The following DNM1L variants were observed in gnomAD, a reference collection of about 807,000 sequenced individuals.
The protein encoded by DNM1L is dynamin 1L, also known as dynamin-1-like protein.
In DNM1L, 33 loss-of-function variants were observed where a neutral mutation model predicts 92.8. The ratio of observed to expected loss-of-function variants is 0.36; its 90% CI spans 0.27 to 0.48. The LOEUF (loss-of-function observed/expected upper bound fraction) is 0.48, where lower values mean the gene tolerates loss of function less well. DNM1L is among the 20% of genes least tolerant of loss of function. The pLI is 0.99. For synonymous variants in DNM1L, 284 were observed against 305.0 expected, an observed-to-expected ratio of 0.93 and a Z score of 0.72; for missense variants, 485 against 888.8, an observed-to-expected ratio of 0.55 and a Z score of 5.78.
At chr12:32,698,757 A>G (rs1952573528) in intron 1 of DNM1L, among the ~76,000 whole-genome samples, 1 of 152,234 alleles carries the variant, frequency 6.6e-6, no homozygotes, top group African/African-American at 2.4e-5. Flanking sequence ...TAAAATGTAT[A>G]ATAGAGGTTT....
At chr12:32,696,992 C>T (rs943131164) in intron 1 of DNM1L, among the ~76,000 whole-genome samples, 19 of 150,640 alleles carry the variant, frequency 1.3e-4, no homozygotes. Flanking sequence ...AGTAGGGAGG[C>T]CAAGGTGGGC....
chr12:32,699,889 G>A (rs1952631412), intron 1 of DNM1L, among the ~76,000 whole-genome samples: 1 of 150,746 alleles, frequency 6.6e-6, no homozygotes, highest in Non-Finnish European at 1.5e-5. Flanking sequence ...AGTATAGCTT[G>A]ATTCCCTCTT....
intron 1 of DNM1L, among the ~76,000 whole-genome samples, chr12:32,694,649 T>A (rs1952366979): frequency 6.6e-6 from 1 of 152,150 alleles, no homozygotes; most frequent in African/African-American, 2.4e-5. Context: ...TCTATATGAC[T>A]TTCCCCTAAA....
intron 16 of DNM1L, 179 bp from the exon 17 acceptor site, chr12:32,739,885 G>C (rs1418027347): frequency 1.4e-6 from 1 of 696,450 alleles, no homozygotes; most frequent in Non-Finnish European, 2.4e-6. Flanking sequence ...TTATTATTTA[G>C]ATAGGTCAGG....
At chr12:32,716,472 C>T (rs1351174384) in intron 6 of DNM1L, among the ~76,000 whole-genome samples, 2 of 152,056 alleles carry the variant, frequency 1.3e-5, no homozygotes, top group African/African-American at 4.8e-5. Flanking sequence ...GCTAGGACTA[C>T]CACACCCTGC....
intron 1 of DNM1L, among the ~76,000 whole-genome samples, chr12:32,698,140 C>T (rs549690049): frequency 1.3e-5 from 2 of 152,322 alleles, no homozygotes; most frequent in Non-Finnish European, 2.9e-5. Context: ...CTGGATATCA[C>T]AACTGCAGTT....
intron 13 of DNM1L, among the ~76,000 whole-genome samples, chr12:32,735,348 G>A (rs940293498): frequency 6.6e-6 from 1 of 152,128 alleles, no homozygotes; most frequent in Non-Finnish European, 1.5e-5. Context: ...ACATCTGCTG[G>A]GGTCCAGGAG....
intron 9 of DNM1L, 76 bp downstream of exon 9, chr12:32,722,709 G>C (rs1220076199): frequency 9.2e-7 from 1 of 1,087,790 alleles, no homozygotes; most frequent in African/African-American, 1.6e-5. Flanking sequence ...GATGACTTCA[G>C]CTCAGATTAT....
At chr12:32,713,449 T>C in intron 6 of DNM1L, 78 bp downstream of exon 6, 3 of 1,446,930 alleles carry the variant, frequency 2.1e-6, no homozygotes, top group Non-Finnish European at 2.9e-6. Flanking sequence ...TTTTTCTCTT[T>C]AAAAACAGTA....
At chr12:32,743,209 T>C (rs2137618340) in intron 19 of DNM1L, 145 bp from the exon 20 acceptor site, 1 of 761,106 alleles carries the variant, frequency 1.3e-6, no homozygotes. Flanking sequence ...CTTGATTAGA[T>C]TCTAATTCCA....
In DNM1L at chr12:32,737,868, T is replaced by C. The variant is rs771229782; in HGVS notation, c.1600T>C (p.Ser534Pro). The change falls in exon 15 of 20, where the codon TCT becomes CCT. Residue 534 changes from serine to proline, a missense_variant. Coordinates refer to ENST00000549701, the MANE Select transcript of DNM1L (RefSeq NM_012062.5). ...CCCCTGGATTTTTTGCCTTTAGTCT[T>C]CTAAAGTTCCAAGTGCTTTGGCACC... ...LPSAVSRDKS[S>P]KVPSALAPAS... The C allele has an allele frequency of 3.1e-6, 5 of 1,614,048 alleles. No individual in the cohort carries two copies. In the South Asian group the frequency reaches 5.5e-5, roughly 18 times the overall value.
chr12:32,695,225 G>T (rs148299851), intron 1 of DNM1L, among the ~76,000 whole-genome samples: 233 of 152,266 alleles, frequency 1.5e-3, no homozygotes, highest in Non-Finnish European at 2.7e-3. Context: ...TAGCTATTCA[G>T]AGCCAAGCCT....
At position 32,731,519 on chromosome 12, in the gene DNM1L, A is replaced by G. The variant is rs1347832325; in HGVS notation, c.1356+8A>G. 1.5e-5 allele frequency: 25 copies of G among 1,613,824 alleles called. No homozygotes were observed. Among genetic ancestry groups the G allele is most frequent in the Non-Finnish European group, 2.1e-5 (25 of 1,179,992 alleles). Reference sequence around the variant, plus strand: ...AGCAATTACAGTACACAGGTAACGGAGAGAAATGTAACAGGTTTCACATGA... The same window carrying G: ...AGCAATTACAGTACACAGGTAACGGGGAGAAATGTAACAGGTTTCACATGA... On this transcript the variant is annotated splice_region_variant and intron_variant, in intron 11 of 19. Coordinates refer to ENST00000549701, the MANE Select transcript of DNM1L (RefSeq NM_012062.5). This position sits in a 1 kb window ranked among gnomAD's most constrained non-coding sequence, Gnocchi z 5.1.
At chr12:32,733,671 G>C in intron 12 of DNM1L, 44 bp from the exon 13 acceptor site, 1 of 1,493,324 alleles carries the variant, frequency 6.7e-7, no homozygotes, top group Non-Finnish European at 9.3e-7. Flanking sequence ...AGTAAAATAT[G>C]GTTGATGTAT....
chr12:32,745,352 A>C lies in DNM1L; in HGVS notation c.*1942A>C, dbSNP rs1478896099. 2.6e-5 allele frequency: 6 copies of C among 229,036 alleles called. No homozygotes were observed. Among genetic ancestry groups the C allele is most frequent in the Non-Finnish European group, 5.1e-5 (6 of 117,196 alleles). The allele number at this position is 229,036 out of a possible 1,614,324, so 14.2% of individuals were successfully genotyped here. A position where few individuals can be genotyped will look rare whatever the true frequency, so the allele number is the denominator to read the frequency against. ...CACATCAGATTTCAAATTGAAAATT[A>C]AAGACATGCTATGGTAATGCACTTG... is the stretch of plus-strand genomic sequence containing the variant. On this transcript the variant is annotated 3_prime_UTR_variant, in exon 20 of 20. Coordinates refer to ENST00000549701, the MANE Select transcript of DNM1L (RefSeq NM_012062.5).
At position 32,744,062 on chromosome 12, in the gene DNM1L, A is replaced by G. The variant is rs577251936; in HGVS notation, c.*652A>G. Reference sequence around the variant, plus strand: ...CTGGGTCCATTTGCACTAGCAAATTAAAATATGCTTTGATTCATACTTAAA... The same window carrying G: ...CTGGGTCCATTTGCACTAGCAAATTGAAATATGCTTTGATTCATACTTAAA... On this transcript the variant is annotated 3_prime_UTR_variant, in exon 20 of 20. Transcript: ENST00000549701. 6.6e-6 allele frequency: 1 copy of G among 152,514 alleles called. No homozygotes were observed. The highest frequency in any genetic ancestry group is 6.5e-5 in the Admixed American group (1 of 15,314). The allele number at this position is 152,514 out of a possible 1,614,324, so 9.4% of individuals were successfully genotyped here.
rs1953762520 is a variant in DNM1L, at chr12:32,720,686, A to G, written c.763A>G (p.Lys255Glu). Residue 255 changes from lysine (K) to glutamate (E), a missense_variant, in exon 8 of 20, where the codon AAG (lysine) becomes GAG (glutamate). Coordinates refer to ENST00000549701, the MANE Select transcript of DNM1L (RefSeq NM_012062.5). ...VNRSQLDINN[K>E]KSVTDSIRDE... The stretch of plus-strand genomic sequence containing the variant: ...CAGGAGCCAGCTAGATATTAACAAC[A>G]AGAAGAGTGTAACTGATTCAATCCG... 2 of 1,613,820 alleles carry G rather than the reference A, an allele frequency of 1.2e-6. No individual in the cohort carries two copies. The highest frequency in any genetic ancestry group is 1.7e-6 in the Non-Finnish European group (2 of 1,179,900).
At chr12:32,739,500 C>T (rs1461942700) in intron 16 of DNM1L, among the ~76,000 whole-genome samples, 1 of 152,324 alleles carries the variant, frequency 6.6e-6, no homozygotes, top group Middle Eastern at 3.4e-3. Context: ...CAGTGACTGT[C>T]AGCCTAAGAA....
intron 9 of DNM1L, among the ~76,000 whole-genome samples, chr12:32,730,525 T>C (rs557755557): frequency 6.6e-6 from 1 of 152,352 alleles, no homozygotes; most frequent in African/African-American, 2.4e-5. Context: ...TAACAAGCTA[T>C]ACTTATTTAT....
Sources: allele counts gnomAD v4.1 joint callset (sites outside exome capture counted in the v4.1 genomes callset), GRCh38; gene constraint gnomAD v4.1.1; non-coding constraint Gnocchi (gnomAD v3.1); transcripts MANE v1.5; gene names NCBI Gene and HGNC (gene_info 2026-07-23, HGNC 2026-07-21).